Variants in PRSS55 observed in about 807,000 individuals in gnomAD.
The protein encoded by PRSS55 is probable serine protease UNQ9391/PRO34284.
PRSS55 carries 41 observed loss-of-function variants against 23.6 expected under a neutral mutation model. The ratio of observed to expected loss-of-function variants is 1.74; its 90% CI spans 1.35 to 2.26. The LOEUF (loss-of-function observed/expected upper bound fraction) is 2.26. PRSS55 is among the 30% of genes most tolerant of loss of function. The pLI is 0.00. For missense variants in PRSS55, 669 were observed against 439.1 expected (o/e 1.52, Z -4.68); for synonymous variants, 262 against 175.5 (o/e 1.49, Z -3.90).
chr8:10,549,242 C>T (rs1812897622), intron 4 of PRSS55, among the ~76,000 whole-genome samples: 1 of 152,172 alleles, frequency 6.6e-6, no homozygotes, highest in Admixed American at 6.5e-5. Flanking sequence ...AAGGTCCCTG[C>T]AGCGGCCATG....
In PRSS55 at chr8:10,531,320, G is replaced by A; in HGVS notation, c.373G>A (p.Gly125Arg). Residue 125 changes from glycine to arginine, a missense_variant, in exon 3 of 5, where the codon GGG becomes AGG. Coordinates refer to ENST00000328655, the MANE Select transcript of PRSS55 (RefSeq NM_198464.4). ...LFPEELSVVL[G>R]TNDLTSPSME... The stretch of plus-strand genomic sequence containing the variant: ...TCCAGAAGAACTGAGTGTCGTGCTG[G>A]GGACCAACGACTTAACTAGCCCATC... The A allele has an allele frequency of 6.2e-7, 1 of 1,614,090 alleles. No homozygotes were observed. Among genetic ancestry groups the A allele is most frequent in the Non-Finnish European group, 8.5e-7 (1 of 1,180,048 alleles).
chr8:10,554,000 C>G (rs1347259466), exon 5 of PRSS55: 4 of 1,532,152 alleles, frequency 2.6e-6, no homozygotes, highest in East Asian at 2.4e-5. Context: ...AACAAAGCCG[C>G]CTGGGTCTCA....
chr8:10,542,229 C>T (rs1223929166), downstream of PRSS55, among the ~76,000 whole-genome samples: 1 of 152,124 alleles, frequency 6.6e-6, no homozygotes, highest in Non-Finnish European at 1.5e-5. Context: ...AGTGTGTAAA[C>T]TGCACTGTGG....
chr8:10,528,006 A>C (rs1030244704), intron 1 of PRSS55, among the ~76,000 whole-genome samples: 1 of 152,144 alleles, frequency 6.6e-6, no homozygotes, highest in Admixed American at 6.5e-5. Flanking sequence ...TGAGGTTAGG[A>C]GCTCTAGACC....
chr8:10,538,546 G>A lies in PRSS55; in HGVS notation c.812G>A (p.Ser271Asn). 1.2e-6 allele frequency: 2 copies of A among 1,614,070 alleles called. No homozygotes were observed. Among genetic ancestry groups the A allele is most frequent in the Non-Finnish European group, 1.7e-6 (2 of 1,179,980 alleles). ...GEKWYQVGIISWGKSCGEKNT... is the reference protein window; with the variant it reads ...GEKWYQVGIINWGKSCGEKNT... ...AAGTGGTACCAGGTGGGCATCATAA[G>A]CTGGGGAAAGAGCTGTGGAGAGAAG... Residue 271 changes from serine to asparagine, a missense_variant, in exon 5 of 5, where the codon AGC (serine) becomes AAC (asparagine). Physicochemically the swap from Ser to Asn is conservative, Grantham distance 46. Coordinates refer to ENST00000328655, the MANE Select transcript of PRSS55 (RefSeq NM_198464.4).
chr8:10,553,585 A>T (rs889031729), intron 4 of PRSS55, among the ~76,000 whole-genome samples: 11 of 152,208 alleles, frequency 7.2e-5, no homozygotes, highest in African/African-American at 2.7e-4. Flanking sequence ...TTACATATGG[A>T]ATCTAAAAAA....
chr8:10,537,252 T>C (rs1937926965), intron 4 of PRSS55, among the ~76,000 whole-genome samples: 1 of 152,064 alleles, frequency 6.6e-6, no homozygotes, highest in African/African-American at 2.4e-5. Context: ...GATGAATTGA[T>C]AAAGAAAATT....
chr8:10,531,270 C>T (rs1202003909), intron 2 of PRSS55, 25 bp from the exon 3 acceptor site: 1 of 1,611,092 alleles, frequency 6.2e-7, no homozygotes, highest in African/African-American at 1.3e-5. Context: ...CTTCCACTTG[C>T]CCCTCTCTGG....
chr8:10,553,879 C>T (rs1813003697), intron 4 of PRSS55: 1 of 1,082,410 alleles, frequency 9.2e-7, no homozygotes, highest in Admixed American at 2.4e-5. Flanking sequence ...TAAATCAAAG[C>T]ACCACATTGT....
chr8:10,539,791 G>A (rs979358889), downstream of PRSS55, among the ~76,000 whole-genome samples: 4 of 152,204 alleles, frequency 2.6e-5, no homozygotes, highest in African/African-American at 9.6e-5. Context: ...GGAACTGTGA[G>A]TCCATAAACC....
intron 4 of PRSS55, among the ~76,000 whole-genome samples, chr8:10,547,174 T>A (rs1812837745): frequency 6.6e-6 from 1 of 152,148 alleles, no homozygotes; most frequent in Non-Finnish European, 1.5e-5. Context: ...CCGCCACCCT[T>A]GTCACTCGAC....
chr8:10,528,200 CAAA>C (rs35143057), intron 1 of PRSS55, among the ~76,000 whole-genome samples: 9 of 89,592 alleles, frequency 1.0e-4, no homozygotes, highest in East Asian at 9.1e-4. Flanking sequence ...CTTCGTCTCT[CAAA>C]AAAAAAAAAA....
At chr8:10,533,235 G>A (rs1352395073) in intron 4 of PRSS55, among the ~76,000 whole-genome samples, 187 bp downstream of exon 4, 1 of 152,158 alleles carries the variant, frequency 6.6e-6, no homozygotes, top group Non-Finnish European at 1.5e-5. Flanking sequence ...TGAGCACCCT[G>A]GGAGTCAATA....
intron 4 of PRSS55, among the ~76,000 whole-genome samples, chr8:10,551,351 G>A (rs2117087411): frequency 6.6e-6 from 1 of 152,266 alleles, no homozygotes. Context: ...TATTCTTCCT[G>A]TTATTGAATC....
In PRSS55 at chr8:10,533,041, C is replaced by G; in HGVS notation, c.734C>G (p.Ala245Gly). The G allele has an allele frequency of 6.2e-7, 1 of 1,614,118 alleles. No individual in the cohort carries two copies. Among genetic ancestry groups the G allele is most frequent in the South Asian group, 1.1e-5 (1 of 91,076 alleles). ...GGATACAAGAATGAGAGCTATGATG[C>G]CTGCAAGGTAACTAGGGGGTACCCT... Reference protein sequence around the residue: ...CAGYKNESYDACKGDSGGPLV... With the variant: ...CAGYKNESYDGCKGDSGGPLV... Residue 245 changes from alanine to glycine, a missense_variant, in exon 4 of 5, where the codon GCC (alanine) becomes GGC (glycine). Physicochemically the swap from Ala to Gly is moderately conservative, Grantham distance 60 (BLOSUM62 0). Coordinates refer to ENST00000328655, the MANE Select transcript of PRSS55 (RefSeq NM_198464.4).
At chr8:10,551,295 AC>A (rs749187061) in intron 4 of PRSS55, among the ~76,000 whole-genome samples, 15 of 151,524 alleles carry the variant, frequency 9.9e-5, no homozygotes, top group Non-Finnish European at 8.8e-5. Context: ...AGGCAGAAAC[AC>A]CCTTGGCTTT....
downstream of PRSS55, among the ~76,000 whole-genome samples, chr8:10,543,475 TC>T (rs1563547403): frequency 0.017 from 455 of 26,784 alleles, 18 homozygotes; most frequent in Middle Eastern, 0.16. Flanking sequence ...TTTCTTTCTT[TC>T]TCTCTTTTTT....
intron 3 of PRSS55, among the ~76,000 whole-genome samples, chr8:10,531,933 G>A (rs973683287): frequency 1.3e-5 from 2 of 152,204 alleles, no homozygotes; most frequent in African/African-American, 2.4e-5. Context: ...GACGGTCCTG[G>A]AGCGTTGCCT....
downstream of PRSS55, among the ~76,000 whole-genome samples, chr8:10,543,423 T>TCTTCCTTCCTTTCTTCCTTCCTTCCTTC (rs1812717629): frequency 4.2e-5 from 3 of 71,474 alleles, 1 homozygote; most frequent in Admixed American, 2.8e-4. Context: ...CTTCTTTCTT[T>TCTTCCTTCCTTTCTTCCTTCCTTCCTTC]CTTCCTTCCT....
Sources: gnomAD v4.1 joint callset for allele counts (sites outside exome capture counted in the v4.1 genomes callset) on GRCh38, gnomAD v4.1.1 for gene constraint, MANE v1.5 for transcripts, NCBI Gene and HGNC (gene_info 2026-07-23, HGNC 2026-07-21) for gene names.